Variants in HS2ST1 observed in about 807,000 individuals in gnomAD.
HS2ST1 encodes 2-O-sulfotransferase.
Under a neutral mutation model 42.9 loss-of-function variants are expected in HS2ST1, and 18 were observed. The observed-to-expected ratio is 0.42, with a 90% CI of 0.29 to 0.62. HS2ST1 has a LOEUF of 0.62. Ranked by LOEUF, HS2ST1 falls within the 20% of genes least tolerant of loss-of-function variation. The pLI is 0.21. For synonymous variants in HS2ST1, 146 were observed against 152.9 expected, an observed-to-expected ratio of 0.95 and a Z score of 0.33; for missense variants, 334 against 433.8, an observed-to-expected ratio of 0.77 and a Z score of 2.04.
chr1:87,028,914 C>T (rs1418196885), intron 1 of HS2ST1, among the ~76,000 whole-genome samples: 2 of 152,122 alleles, frequency 1.3e-5, no homozygotes, highest in African/African-American at 4.8e-5. Context: ...TCAGAGCCTA[C>T]TTTATACAAA....
chr1:87,019,682 A>G (rs1221852080), intron 1 of HS2ST1, among the ~76,000 whole-genome samples: 2 of 152,212 alleles, frequency 1.3e-5, no homozygotes, highest in Non-Finnish European at 2.9e-5. Context: ...TATGATTTCC[A>G]TCTGTTCAAG....
intron 2 of HS2ST1, among the ~76,000 whole-genome samples, chr1:87,079,239 G>A (rs969063121): frequency 4.1e-4 from 63 of 152,028 alleles, no homozygotes; most frequent in Admixed American, 3.7e-3. Flanking sequence ...CCGGGTCCAA[G>A]CGATTCTCCT....
intron 1 of HS2ST1, among the ~76,000 whole-genome samples, chr1:87,055,773 A>G (rs992432924): frequency 1.5e-4 from 23 of 152,326 alleles, no homozygotes; most frequent in African/African-American, 5.5e-4. Flanking sequence ...GTGGTACCAA[A>G]CTGTACTAGT....
At chr1:87,041,637 A>G (rs1021289134) in intron 1 of HS2ST1, among the ~76,000 whole-genome samples, 39 of 152,268 alleles carry the variant, frequency 2.6e-4, no homozygotes, top group African/African-American at 9.4e-4. Flanking sequence ...TACTTTCTGC[A>G]TCTATGAGTT....
At chr1:87,003,780 T>C (rs1649356319) in intron 1 of HS2ST1, among the ~76,000 whole-genome samples, 1 of 152,194 alleles carries the variant, frequency 6.6e-6, no homozygotes, top group Non-Finnish European at 1.5e-5. Context: ...TTTCATTGTA[T>C]TAGGTGTAAT....
chr1:86,999,620 T>A (rs749798499), intron 1 of HS2ST1, among the ~76,000 whole-genome samples: 2 of 152,208 alleles, frequency 1.3e-5, no homozygotes, highest in Non-Finnish European at 2.9e-5. Flanking sequence ...TCTCTCCCAT[T>A]TGACTCAATT....
At chr1:87,032,942 C>T (rs1650274754) in intron 1 of HS2ST1, among the ~76,000 whole-genome samples, 1 of 152,146 alleles carries the variant, frequency 6.6e-6, no homozygotes. Context: ...TAGTTTTCTT[C>T]CCTTTCATCT....
rs142972572 is a variant in HS2ST1 at position 87,068,809 on chromosome 1, T to C, written c.125-4125T>C. On this transcript the variant is annotated intron_variant, in intron 1 of 6. Coordinates refer to ENST00000370550, the MANE Select transcript of HS2ST1 (RefSeq NM_012262.4). ...ATAAAGTAAACTAGAGAAAAGAAAA[T>C]GTTATTTAACATACAAGAAATAGAA... is the stretch of plus-strand genomic sequence containing the variant. Among the ~76,000 whole-genome samples, 120 of 152,298 alleles carry C rather than the reference T, an allele frequency of 7.9e-4. 1 individual carries two copies. In the East Asian group the frequency reaches 0.02, roughly 26 times the overall value.
intron 1 of HS2ST1, among the ~76,000 whole-genome samples, chr1:87,055,141 T>C (rs564861706): frequency 1.3e-5 from 2 of 152,318 alleles, no homozygotes; most frequent in South Asian, 4.1e-4. Flanking sequence ...CTAGACCTGT[T>C]AGGCTTGGAT....
chr1:87,009,104 G>C (rs1029300865), intron 1 of HS2ST1, among the ~76,000 whole-genome samples: 1 of 152,128 alleles, frequency 6.6e-6, no homozygotes, highest in Non-Finnish European at 1.5e-5. Context: ...CGGCCTCCCA[G>C]ATTGTAGGCA....
chr1:87,104,701 A>G lies in HS2ST1; in HGVS notation c.*5A>G. ...ATTTACCCTAAGTCGAACTGAGTAT[A>G]AGGTGTGACTATTGGATTCTTGAAC... On this transcript the variant is annotated 3_prime_UTR_variant, in exon 7 of 7. Coordinates refer to ENST00000370550, the MANE Select transcript of HS2ST1 (RefSeq NM_012262.4). The G allele has an allele frequency of 6.5e-7, 1 of 1,549,044 alleles. No homozygotes were observed. The highest frequency in any genetic ancestry group is 8.9e-7 in the Non-Finnish European group (1 of 1,121,318).
rs1652392025 is a variant in HS2ST1 at position 87,108,668 on chromosome 1, G to A, written c.*3972G>A. 6.6e-6 allele frequency: 1 copy of A among 152,068 alleles called. No homozygotes were observed. Among genetic ancestry groups the A allele is most frequent in the African/African-American group, 2.4e-5 (1 of 41,446 alleles). 9.4% of individuals were successfully genotyped at this position (152,068 alleles called of 1,614,324 possible). A position where few individuals can be genotyped will look rare whatever the true frequency, so the allele number is the denominator to read the frequency against. On this transcript the variant is annotated 3_prime_UTR_variant, in exon 7 of 7. Coordinates refer to ENST00000370550, the MANE Select transcript of HS2ST1 (RefSeq NM_012262.4). ...ATTGAAATGAATGATCATTTAGTCA[G>A]ATTTATCCTGTAATTTCATGCAGCT...
chr1:87,016,459 C>T, intron 1 of HS2ST1, among the ~76,000 whole-genome samples: 1 of 152,132 alleles, frequency 6.6e-6, no homozygotes, highest in Non-Finnish European at 1.5e-5. Context: ...TCTTTTCTCT[C>T]TTCCTCCATT....
At chr1:87,101,400 A>T (rs1357895838) in intron 5 of HS2ST1, among the ~76,000 whole-genome samples, 5 of 151,750 alleles carry the variant, frequency 3.3e-5, no homozygotes, top group African/African-American at 1.2e-4. Flanking sequence ...TCCAGACCTC[A>T]GGTAATCCGC....
At chr1:87,003,425 T>C (rs1649347054) in intron 1 of HS2ST1, among the ~76,000 whole-genome samples, 1 of 152,230 alleles carries the variant, frequency 6.6e-6, no homozygotes, top group Non-Finnish European at 1.5e-5. Flanking sequence ...CAGTTAGTTT[T>C]TGTTTTTATG....
rs954545800 is a variant in HS2ST1, at chr1:87,106,073, A to C, written c.*1377A>C. On this transcript the variant is annotated 3_prime_UTR_variant, in exon 7 of 7. Transcript: ENST00000370550. Reference sequence around the variant, plus strand: ...AGATGGCATGTGAAAGCACTTTGAAAATTGTAAAGCGCTATGTAAATGTAA... The same window carrying C: ...AGATGGCATGTGAAAGCACTTTGAACATTGTAAAGCGCTATGTAAATGTAA... The C allele has an allele frequency of 6.6e-6, 1 of 152,512 alleles. No individual in the cohort carries two copies. The highest frequency in any genetic ancestry group is 2.4e-5 in the African/African-American group (1 of 41,436). 9.4% of individuals were successfully genotyped at this position (152,512 alleles called of 1,614,324 possible).
At chr1:86,979,562 C>G (rs1305848538) in intron 1 of HS2ST1, among the ~76,000 whole-genome samples, 1 of 152,162 alleles carries the variant, frequency 6.6e-6, no homozygotes, top group Non-Finnish European at 1.5e-5. Flanking sequence ...AGGCTGAGTA[C>G]TATTACATTG....
At chr1:86,989,366 T>C (rs2100558231) in intron 1 of HS2ST1, among the ~76,000 whole-genome samples, 1 of 152,352 alleles carries the variant, frequency 6.6e-6, no homozygotes, top group African/African-American at 2.4e-5. Flanking sequence ...AAACACTTTA[T>C]CCACCTTTAT....
Position 87,068,154 on chromosome 1 carries a change from G to A in HS2ST1, c.125-4780G>A, listed in dbSNP as rs565273898. On this transcript the variant is annotated intron_variant, in intron 1 of 6. Coordinates refer to ENST00000370550, the MANE Select transcript of HS2ST1 (RefSeq NM_012262.4). The stretch of plus-strand genomic sequence containing the variant: ...AGCATTGAATCTATAAATTACCTTG[G>A]GCAGTATGGCCATTTTCATGATACT... 5.9e-5 allele frequency among the ~76,000 whole-genome samples: 9 copies of A among 152,208 alleles called. No homozygotes were observed. The East Asian group carries it at 1.7e-3, about 29-fold the overall frequency.
Sources: gnomAD v4.1 joint callset for allele counts (sites outside exome capture counted in the v4.1 genomes callset) on GRCh38, gnomAD v4.1.1 for gene constraint, MANE v1.5 for transcripts, NCBI Gene and HGNC (gene_info 2026-07-23, HGNC 2026-07-21) for gene names.